Variants in CUL3 observed in about 807,000 individuals in gnomAD.
The protein encoded by CUL3 is cullin-3.
In CUL3, 19 loss-of-function variants were observed where a neutral mutation model predicts 89.1. That is an observed-to-expected ratio of 0.21 (90% CI 0.15 to 0.31). CUL3 has a LOEUF of 0.31. Ranked by LOEUF, CUL3 falls within the 10% of genes least tolerant of loss-of-function variation. The pLI is 1.00. For synonymous variants in CUL3, 351 were observed against 308.4 expected, an observed-to-expected ratio of 1.14 and a Z score of -1.45; for missense variants, 469 against 942.3, an observed-to-expected ratio of 0.50 and a Z score of 6.58.
chr2:224,517,894 C>T (rs1693124408), intron 3 of CUL3, among the ~76,000 whole-genome samples: 1 of 152,106 alleles, frequency 6.6e-6, no homozygotes, highest in Non-Finnish European at 1.5e-5. Flanking sequence ...CTTTCCAAAG[C>T]ATCCAATCTA....
At chr2:224,507,863 C>T (rs573002714) in intron 6 of CUL3, among the ~76,000 whole-genome samples, 5 of 152,204 alleles carry the variant, frequency 3.3e-5, no homozygotes, top group South Asian at 2.1e-4. Flanking sequence ...AAAAGTTTTA[C>T]AATCAATAAC....
At chr2:224,580,152 C>T (rs759021668) in intron 1 of CUL3, among the ~76,000 whole-genome samples, 1 of 152,094 alleles carries the variant, frequency 6.6e-6, no homozygotes, top group Non-Finnish European at 1.5e-5. Flanking sequence ...CCTCTGCATA[C>T]AAATTAAAAT....
intron 13 of CUL3, among the ~76,000 whole-genome samples, chr2:224,489,786 T>C (rs186578671): frequency 6.2e-4 from 95 of 152,218 alleles, no homozygotes; most frequent in African/African-American, 2.2e-3. Flanking sequence ...ATTCAGGACA[T>C]AGGCATGGGC....
intron 3 of CUL3, 89 bp downstream of exon 3, chr2:224,535,439 G>C: frequency 1.2e-6 from 1 of 822,854 alleles, no homozygotes; most frequent in South Asian, 1.8e-5. Context: ...CAAAGTGCTG[G>C]GATTACAGGC....
chr2:224,470,592 A>T lies in CUL3; in HGVS notation c.*3653T>A, dbSNP rs1427936236. The T allele has an allele frequency of 4.3e-6, 1 of 231,708 alleles. No individual in the cohort carries two copies. Among genetic ancestry groups the T allele is most frequent in the Non-Finnish European group, 8.5e-6 (1 of 117,198 alleles). The allele number at this position is 231,708 out of a possible 1,614,324, so 14.4% of individuals were successfully genotyped here. ...TTTGTAAAACTGTAGATTTGAATTTAAGGTACATGCCTATCTGTGGTACCC... is the reference window on the plus strand; with the variant it reads ...TTTGTAAAACTGTAGATTTGAATTTTAGGTACATGCCTATCTGTGGTACCC... On this transcript the variant is annotated 3_prime_UTR_variant, in exon 16 of 16. Coordinates refer to ENST00000264414, the MANE Select transcript of CUL3 (RefSeq NM_003590.5).
chr2:224,516,318 C>CTTT (rs68130414), intron 3 of CUL3, among the ~76,000 whole-genome samples: 1 of 133,440 alleles, frequency 7.5e-6, no homozygotes. Flanking sequence ...TTTTTGTTTG[C>CTTT]TTTTTTTTTT....
At chr2:224,479,209 C>T (rs188607018) in intron 14 of CUL3, 77 of 152,232 alleles carry the variant, frequency 5.1e-4, no homozygotes, top group African/African-American at 1.8e-3. Context: ...GAGGCATGGG[C>T]ATAGATAGCC....
Position 224,513,651 on chromosome 2 carries a change from GTTA to G in CUL3, c.540-16_540-14del, listed in dbSNP as rs773893104. ...TCTTATTGCGCCTCTGTCGAAAAAAGTTATTATCACTTGATAATTAAATTACAT... is the reference window on the plus strand; with the variant it reads ...TCTTATTGCGCCTCTGTCGAAAAAAGTTATCACTTGATAATTAAATTACAT... On this transcript the variant is annotated splice_polypyrimidine_tract_variant and intron_variant, in intron 4 of 15. Transcript: ENST00000264414. The G allele has an allele frequency of 4.6e-6, 7 of 1,510,074 alleles. No individual in the cohort carries two copies. The highest frequency in any genetic ancestry group is 2.3e-5 in the East Asian group (1 of 43,742). 93.5% of individuals were successfully genotyped at this position (1,510,074 alleles called of 1,614,324 possible). A position where few individuals can be genotyped will look rare whatever the true frequency, so the allele number is the denominator to read the frequency against.
At chr2:224,516,116 A>G (rs936452614) in intron 3 of CUL3, among the ~76,000 whole-genome samples, 1 of 152,002 alleles carries the variant, frequency 6.6e-6, no homozygotes, top group Non-Finnish European at 1.5e-5. Context: ...GCTATTTTTT[A>G]TATTATCTTC....
chr2:224,508,822 C>A (rs972716252), intron 6 of CUL3, among the ~76,000 whole-genome samples: 1 of 151,862 alleles, frequency 6.6e-6, no homozygotes, highest in African/African-American at 2.4e-5. Context: ...ATTAGCCGGG[C>A]GTGGTGGCGG....
intron 13 of CUL3, among the ~76,000 whole-genome samples, chr2:224,489,912 C>G (rs900246498): frequency 6.6e-6 from 1 of 152,204 alleles, no homozygotes; most frequent in African/African-American, 2.4e-5. Context: ...TCAGAGTGAA[C>G]AGGCAACCTA....
chr2:224,544,808 A>G (rs979694445), intron 2 of CUL3, among the ~76,000 whole-genome samples: 1 of 151,576 alleles, frequency 6.6e-6, no homozygotes, highest in African/African-American at 2.4e-5. Context: ...GACAGCTGAC[A>G]GAACTGTTTG....
chr2:224,526,568 A>T (rs1693482153), intron 3 of CUL3, among the ~76,000 whole-genome samples: 1 of 142,588 alleles, frequency 7.0e-6, no homozygotes, highest in African/African-American at 2.6e-5. Context: ...CCTGGGCGAC[A>T]GAGGGAGACT....
rs1474703761 is a variant in CUL3 at position 224,470,227 on chromosome 2, T to C, written c.*4018A>G. 4.7e-6 allele frequency: 1 copy of C among 212,564 alleles called. No individual in the cohort carries two copies. Among genetic ancestry groups the C allele is most frequent in the East Asian group, 7.1e-5 (1 of 14,056 alleles). 13.2% of individuals were successfully genotyped at this position (212,564 alleles called of 1,614,324 possible). On this transcript the variant is annotated 3_prime_UTR_variant, in exon 16 of 16. Coordinates refer to ENST00000264414, the MANE Select transcript of CUL3 (RefSeq NM_003590.5). ...ATAAAGTTTATTAGTTGAACTGTCCTGTTATTAAAATCTTGAAATTTGACA... is the reference window on the plus strand; with the variant it reads ...ATAAAGTTTATTAGTTGAACTGTCCCGTTATTAAAATCTTGAAATTTGACA...
chr2:224,473,622 A>G lies in CUL3; in HGVS notation c.*623T>C, dbSNP rs1691210445. ...CTCAAATTACAACAGGGAGAAACCA[A>G]ATCAGGATGTGTACTTGAGCCCAAA... On this transcript the variant is annotated 3_prime_UTR_variant, in exon 16 of 16. Coordinates refer to ENST00000264414, the MANE Select transcript of CUL3 (RefSeq NM_003590.5). The G allele has an allele frequency of 5.4e-6, 1 of 186,718 alleles. No homozygotes were observed. The highest frequency in any genetic ancestry group is 2.0e-4 in the South Asian group (1 of 5,112). The allele number at this position is 186,718 out of a possible 1,614,324, so 11.6% of individuals were successfully genotyped here. A position where few individuals can be genotyped will look rare whatever the true frequency, so the allele number is the denominator to read the frequency against.
chr2:224,474,973 T>C (rs941547305), intron 15 of CUL3, among the ~76,000 whole-genome samples: 1 of 152,206 alleles, frequency 6.6e-6, no homozygotes, highest in Non-Finnish European at 1.5e-5. Flanking sequence ...TCATAGTCTG[T>C]CTATGCACTA....
chr2:224,580,372 G>A (rs1695404732), intron 1 of CUL3, among the ~76,000 whole-genome samples: 1 of 152,186 alleles, frequency 6.6e-6, no homozygotes, highest in Non-Finnish European at 1.5e-5. Context: ...TACAGACAAT[G>A]ATGAAGGTAT....
At chr2:224,479,773 T>C (rs1318639919) in intron 14 of CUL3, 1 of 152,192 alleles carries the variant, frequency 6.6e-6, no homozygotes, top group Non-Finnish European at 1.5e-5. Flanking sequence ...GCCATATTGA[T>C]ATTCATTATA....
rs67105454 is a variant in CUL3 at position 224,572,630 on chromosome 2, GAAA to G, written c.66+12311_66+12313del. ...CAATCCAGCCTGGGTGAGAGTGAGA[GAAA>G]AAAAAAAAAAAAAAAAAAAGGTGGG... is the stretch of plus-strand genomic sequence containing the variant. On this transcript the variant is annotated intron_variant, in intron 1 of 15. Coordinates refer to ENST00000264414, the MANE Select transcript of CUL3 (RefSeq NM_003590.5). Among the ~76,000 whole-genome samples the G allele has an allele frequency of 1.6e-3, 141 of 86,278 alleles. 1 individual carries two copies. Among genetic ancestry groups the G allele is most frequent in the East Asian group, 0.015 (42 of 2,834 alleles). The allele number at this position is 86,278 out of a possible 152,430, so 56.6% of individuals were successfully genotyped here. A position where few individuals can be genotyped will look rare whatever the true frequency, so the allele number is the denominator to read the frequency against.
Sources: gnomAD v4.1 joint callset for allele counts (sites outside exome capture counted in the v4.1 genomes callset) on GRCh38, gnomAD v4.1.1 for gene constraint, MANE v1.5 for transcripts, NCBI Gene and HGNC (gene_info 2026-07-23, HGNC 2026-07-21) for gene names.